The following TPCN1 variants were observed in gnomAD, a reference collection of about 807,000 sequenced individuals.
The protein encoded by TPCN1 is two pore segment channel 1, also known as two pore channel protein 1.
Under a neutral mutation model 108.8 loss-of-function variants are expected in TPCN1, and 52 were observed. The observed-to-expected ratio is 0.48, with a 90% CI of 0.38 to 0.60. The LOEUF (loss-of-function observed/expected upper bound fraction) is 0.60. TPCN1 is among the 20% of genes least tolerant of loss of function. The probability of loss-of-function intolerance (pLI) is 0.00; values close to 1 mark genes in which losing one functional copy is unlikely to be tolerated. For synonymous variants in TPCN1, 446 were observed against 433.7 expected (o/e 1.03, Z -0.35); for missense variants, 806 against 1,072.8 (o/e 0.75, Z 3.47).
In TPCN1 at chr12:113,244,632, C is replaced by G. The variant is rs1397732819; in HGVS notation, c.113-15736C>G. 4.1e-6 allele frequency: 4 copies of G among 985,308 alleles called. No homozygotes were observed. The African/African-American group carries it at 7.0e-5, about 17-fold the overall frequency. The allele number at this position is 985,308 out of a possible 1,614,324, so 61.0% of individuals were successfully genotyped here. A position where few individuals can be genotyped will look rare whatever the true frequency, so the allele number is the denominator to read the frequency against. On this transcript the variant is annotated intron_variant, in intron 2 of 27. Coordinates refer to ENST00000335509, the MANE Select transcript of TPCN1 (RefSeq NM_017901.6). ...TCACTCTGGTTTATTTTCCTCTCCT[C>G]TTTGAGCTCTTTCCCATGGTGTGGG...
chr12:113,263,098 C>T (rs1955104625), intron 3 of TPCN1, among the ~76,000 whole-genome samples: 1 of 152,020 alleles, frequency 6.6e-6, no homozygotes, highest in African/African-American at 2.4e-5. Flanking sequence ...CCATACATAT[C>T]TCAAAAATTG....
intron 15 of TPCN1, among the ~76,000 whole-genome samples, chr12:113,282,758 T>C (rs1431504752): frequency 2.0e-5 from 3 of 146,454 alleles, no homozygotes; most frequent in African/African-American, 7.6e-5. Flanking sequence ...CCCCCCTATC[T>C]CAAGAAAAAA....
rs111614104 is a variant in TPCN1, at chr12:113,294,496, G to A, written c.2334+1147G>A. Reference sequence around the variant, plus strand: ...ACAAAATTTAGCCAGGCCTGGTTCCGTGCACCTGTAATCCCAGCTACTGAA... The same window carrying A: ...ACAAAATTTAGCCAGGCCTGGTTCCATGCACCTGTAATCCCAGCTACTGAA... On this transcript the variant is annotated intron_variant, in intron 27 of 27. Coordinates refer to ENST00000335509, the MANE Select transcript of TPCN1 (RefSeq NM_017901.6). Among the ~76,000 whole-genome samples, 331 of 152,078 alleles carry A rather than the reference G, an allele frequency of 2.2e-3. 2 individuals carry two copies. Among genetic ancestry groups the A allele is most frequent in the African/African-American group, 7.5e-3 (311 of 41,494 alleles).
chr12:113,247,203 C>T (rs1341464738), intron 2 of TPCN1, among the ~76,000 whole-genome samples: 4 of 152,182 alleles, frequency 2.6e-5, no homozygotes, highest in Admixed American at 6.5e-5. Flanking sequence ...TGCACATGCT[C>T]TTAGTTCCCA....
intron 2 of TPCN1, among the ~76,000 whole-genome samples, chr12:113,245,674 C>A (rs190468148): frequency 2.7e-3 from 407 of 151,700 alleles, no homozygotes; most frequent in African/African-American, 9.5e-3. Context: ...AACAGTCATT[C>A]TCTGCTTTTT....
At chr12:113,233,569 C>T (rs976026710) in intron 2 of TPCN1, among the ~76,000 whole-genome samples, 17 of 152,254 alleles carry the variant, frequency 1.1e-4, no homozygotes, top group Non-Finnish European at 1.9e-4. Flanking sequence ...CATTCTTGCC[C>T]TTGGCTAGAG....
intron 3 of TPCN1, among the ~76,000 whole-genome samples, chr12:113,262,462 G>T (rs1299788729): frequency 6.6e-6 from 1 of 150,956 alleles, no homozygotes; most frequent in South Asian, 2.1e-4. Context: ...TTTGATGGTT[G>T]TTCAATCATC....
intron 2 of TPCN1, among the ~76,000 whole-genome samples, chr12:113,229,672 G>A (rs950104379): frequency 2.0e-5 from 3 of 152,112 alleles, no homozygotes; most frequent in Admixed American, 6.6e-5. Flanking sequence ...TGTATTTTTA[G>A]TGGAGACGGG....
At chr12:113,286,011 C>A in intron 18 of TPCN1, 50 bp downstream of exon 18, 2 of 1,499,838 alleles carry the variant, frequency 1.3e-6, no homozygotes, top group African/African-American at 1.4e-5. Context: ...TTGAGGATGG[C>A]CCCAGACCCT....
intron 2 of TPCN1, 66 bp downstream of exon 2, chr12:113,227,030 C>A: frequency 1.4e-6 from 2 of 1,388,380 alleles, no homozygotes; most frequent in Non-Finnish European, 2.0e-6. Flanking sequence ...AGGTGATAAG[C>A]GCTTTGTGGT....
chr12:113,229,894 CT>C (rs1254564639), intron 2 of TPCN1, among the ~76,000 whole-genome samples: 1 of 152,232 alleles, frequency 6.6e-6, no homozygotes, highest in Non-Finnish European at 1.5e-5. Flanking sequence ...AGGGCAAGCT[CT>C]TCAGCTGGCA....
chr12:113,249,563 C>T (rs1404054353), intron 2 of TPCN1: 1 of 152,272 alleles, frequency 6.6e-6, no homozygotes, highest in African/African-American at 2.4e-5. Flanking sequence ...CCTGACCTGA[C>T]AGTCGTTGCT....
At chr12:113,271,205 A>G (rs1273482655) in intron 7 of TPCN1, among the ~76,000 whole-genome samples, 2 of 152,100 alleles carry the variant, frequency 1.3e-5, no homozygotes, top group Non-Finnish European at 2.9e-5. Context: ...GAGCATGGGG[A>G]GACAGAGGTT....
rs1264848653 is a variant in TPCN1 at position 113,266,748 on chromosome 12, C to T, written c.414+392C>T. ...AGGTGGGGGATGTTTCCTGGGCAGC[C>T]CCAGCCCCGCAGATGTCCCTACACC... On this transcript the variant is annotated intron_variant, in intron 4 of 27. Coordinates refer to ENST00000335509, the MANE Select transcript of TPCN1 (RefSeq NM_017901.6). This position sits in a 1 kb window ranked among gnomAD's most constrained non-coding sequence, Gnocchi z 4.2. Among the ~76,000 whole-genome samples the T allele has an allele frequency of 2.0e-5, 3 of 152,250 alleles. No individual in the cohort carries two copies. The highest frequency in any genetic ancestry group is 7.2e-5 in the African/African-American group (3 of 41,558).
At chr12:113,250,961 CT>C (rs1485607485) in intron 2 of TPCN1, among the ~76,000 whole-genome samples, 1 of 144,266 alleles carries the variant, frequency 6.9e-6, no homozygotes, top group Non-Finnish European at 1.5e-5. Context: ...GCAACTCTGT[CT>C]CAAAAAAAAA....
At chr12:113,278,531 C>T (rs535550157) in intron 13 of TPCN1, among the ~76,000 whole-genome samples, 1 of 152,308 alleles carries the variant, frequency 6.6e-6, no homozygotes, top group African/African-American at 2.4e-5. Context: ...TGGGAAGTGG[C>T]GTAAGGATAA....
chr12:113,294,288 T>C (rs1956360533), intron 27 of TPCN1: 2 of 152,122 alleles, frequency 1.3e-5, no homozygotes, highest in Admixed American at 6.6e-5. Context: ...TGCTGGGGTC[T>C]CAAACTCCTG....
chr12:113,267,796 C>A (rs1417334372), intron 4 of TPCN1, 47 bp from the exon 5 acceptor site: 1 of 1,342,018 alleles, frequency 7.5e-7, no homozygotes, highest in Admixed American at 1.7e-5. Context: ...GAGGAGTGGC[C>A]ATGGGCTGGG....
rs77813294 is a variant in TPCN1, at chr12:113,258,330, G to T, written c.113-2038G>T. 4.7e-3 allele frequency among the ~76,000 whole-genome samples: 714 copies of T among 152,272 alleles called. 9 individuals carry two copies. The highest frequency in any genetic ancestry group is 0.016 in the African/African-American group (646 of 41,542). On this transcript the variant is annotated intron_variant, in intron 2 of 27. Coordinates refer to ENST00000335509, the MANE Select transcript of TPCN1 (RefSeq NM_017901.6). ...AAAATACAAAAATTAGCTGGGCATG[G>T]TGTTAGGCACCTGTAATCCCAGCTG... is the stretch of plus-strand genomic sequence containing the variant.
Sources: allele counts gnomAD v4.1 joint callset (sites outside exome capture counted in the v4.1 genomes callset), GRCh38; gene constraint gnomAD v4.1.1; non-coding constraint Gnocchi (gnomAD v3.1); transcripts MANE v1.5; gene names NCBI Gene and HGNC (gene_info 2026-07-23, HGNC 2026-07-21).